PDGFRA: variants seen among roughly 807,000 people sequenced by gnomAD.
PDGFRA encodes the protein platelet derived growth factor receptor alpha.
A neutral mutation model predicts 121.5 loss-of-function variants in PDGFRA; 25 were observed. That is an observed-to-expected ratio of 0.21 (90% confidence interval 0.15 to 0.29). The LOEUF is 0.29. Ranked by LOEUF, PDGFRA falls within the 10% of genes least tolerant of loss-of-function variation. The pLI is 1.00. For missense variants in PDGFRA, 1,008 were observed against 1,345.1 expected (o/e 0.75, Z 3.92); for synonymous variants, 463 against 494.8 (o/e 0.94, Z 0.85).
chr4:54,265,135 G>T, intron 5 of PDGFRA, 86 bp downstream of exon 5: 2 of 1,267,416 alleles, frequency 1.6e-6, no homozygotes, highest in Non-Finnish European at 2.3e-6. Context: ...GTCACTGATG[G>T]GCACATCACT....
At chr4:54,268,078 A>G (rs749798531) in intron 7 of PDGFRA, among the ~76,000 whole-genome samples, 7 of 152,246 alleles carry the variant, frequency 4.6e-5, no homozygotes, top group Admixed American at 4.6e-4. Context: ...TTCATCATCC[A>G]TATCGCAAGT....
rs777051666 is a variant in PDGFRA, at chr4:54,273,545, A to G, written c.1373A>G (p.Asn458Ser). 1.2e-6 allele frequency: 2 copies of G among 1,614,002 alleles called. No individual in the cohort carries two copies. The highest frequency in any genetic ancestry group is 1.7e-6 in the Non-Finnish European group (2 of 1,179,908). ...MICKDIKKCNNETSWTILANN... is the reference protein window; with the variant it reads ...MICKDIKKCNSETSWTILANN... Reference sequence around the variant, plus strand: ...GCCCTTTTTCTCTCTAGATGTAATAATGAAACTTCCTGGACTATTTTGGCC... The same window carrying G: ...GCCCTTTTTCTCTCTAGATGTAATAGTGAAACTTCCTGGACTATTTTGGCC... Residue 458 changes from asparagine to serine, a missense_variant, in exon 10 of 23, where the codon AAT (asparagine) becomes AGT (serine). Physicochemically the swap from Asn to Ser is conservative, Grantham distance 46. Transcript: ENST00000257290.
Position 54,254,028 on chromosome 4 carries a change from G to A in PDGFRA, c.-12-4729G>A, listed in dbSNP as rs146549364. Among the ~76,000 whole-genome samples the A allele has an allele frequency of 1.1e-4, 16 of 152,190 alleles. No homozygotes were observed. In the East Asian group the frequency reaches 3.1e-3, roughly 29 times the overall value. ...TAGTGCCATGTTTCTCAGAATTTGT[G>A]GCTTCAATTACTTATATTTGTGCAC... On this transcript the variant is annotated intron_variant, in intron 1 of 22. Transcript: ENST00000257290.
rs376504407 is a variant in PDGFRA at position 54,278,348 on chromosome 4, T to A, written c.2003-14T>A. On this transcript the variant is annotated splice_polypyrimidine_tract_variant and intron_variant, in intron 14 of 22. Transcript: ENST00000257290. ...ATTTTCATACCCATCTCCTAACGGC[T>A]TTTGTCCCCATAGGCCCCATTTACA... is the stretch of plus-strand genomic sequence containing the variant. 6.2e-7 allele frequency: 1 copy of A among 1,611,488 alleles called. No homozygotes were observed. Among genetic ancestry groups the A allele is most frequent in the South Asian group, 1.1e-5 (1 of 91,018 alleles).
chr4:54,290,407 C>T lies in PDGFRA; in HGVS notation c.2975C>T (p.Thr992Ile), dbSNP rs1437358654. The part of the protein sequence containing the change: ...VDSDNAYIGV[T>I]YKNEEDKLKD... ...TCAGACAATGCATACATTGGTGTCA[C>T]CTACAAAAACGAGGAAGACAAGCTG... is the stretch of plus-strand genomic sequence containing the variant. The change falls in exon 22 of 23, where the codon ACC becomes ATC. Residue 992 changes from threonine (T) to isoleucine (I), a missense_variant. Thr to Ile is a moderately conservative substitution (Grantham distance 89, BLOSUM62 -1). Coordinates refer to ENST00000257290, the MANE Select transcript of PDGFRA (RefSeq NM_006206.6). The T allele has an allele frequency of 1.2e-6, 2 of 1,613,790 alleles. No homozygotes were observed. The highest frequency in any genetic ancestry group is 2.7e-5 in the African/African-American group (2 of 74,914).
At chr4:54,258,294 A>G (rs1471991256) in intron 1 of PDGFRA, among the ~76,000 whole-genome samples, 2 of 152,236 alleles carry the variant, frequency 1.3e-5, no homozygotes, top group African/African-American at 4.8e-5. Context: ...TAAATGACAC[A>G]CATTGTTGGA....
At chr4:54,291,281 A>C (rs1724620263) in intron 22 of PDGFRA, among the ~76,000 whole-genome samples, 1 of 152,140 alleles carries the variant, frequency 6.6e-6, no homozygotes, top group Non-Finnish European at 1.5e-5. Context: ...TCACCCATAA[A>C]TATTCCAGTG....
rs1467406467 is a variant in PDGFRA, at chr4:54,280,382, G to A, written c.2223G>A (p.Gln741=). The A allele has an allele frequency of 1.2e-6, 2 of 1,612,130 alleles. No individual in the cohort carries two copies. The highest frequency in any genetic ancestry group is 8.5e-7 in the Non-Finnish European group (1 of 1,178,156). The stretch of plus-strand genomic sequence containing the variant: ...ACATGAAGCAGGCTGATACTACACA[G>A]TATGTCCCCATGCTAGAAAGGAAAG... The part of the protein sequence containing the change: ...YMDMKQADTT[Q]YVPMLERKEV... The change falls in exon 16 of 23, where the codon CAG becomes CAA. Residue 741 remains glutamine, a synonymous_variant. Transcript: ENST00000257290.
intron 5 of PDGFRA, among the ~76,000 whole-genome samples, chr4:54,266,418 T>C (rs1265405482): frequency 6.6e-6 from 1 of 150,652 alleles, no homozygotes; most frequent in African/African-American, 2.4e-5. Flanking sequence ...TTTCTTTTTT[T>C]TTTTTGTTGT....
At chr4:54,249,758 G>T (rs778306061) in intron 1 of PDGFRA, among the ~76,000 whole-genome samples, 1 of 151,570 alleles carries the variant, frequency 6.6e-6, no homozygotes, top group East Asian at 1.9e-4. Context: ...CACATTGTGC[G>T]CATGTACCCT....
chr4:54,236,490 T>C (rs1223943462), intron 1 of PDGFRA, among the ~76,000 whole-genome samples: 2 of 152,200 alleles, frequency 1.3e-5, no homozygotes, highest in Non-Finnish European at 2.9e-5. Context: ...GTCTGAGTTA[T>C]AGATAAGTAA....
chr4:54,269,051 T>G (rs919866132), intron 7 of PDGFRA, among the ~76,000 whole-genome samples: 2 of 151,982 alleles, frequency 1.3e-5, no homozygotes, highest in African/African-American at 4.8e-5. Context: ...AACTCCAGGA[T>G]GGGGGATCTG....
intron 16 of PDGFRA, among the ~76,000 whole-genome samples, chr4:54,284,145 T>G (rs1724198216): frequency 6.6e-6 from 1 of 152,234 alleles, no homozygotes; most frequent in Non-Finnish European, 1.5e-5. Context: ...CAGTTCCCAA[T>G]AAGTTCTTCA....
Position 54,258,829 on chromosome 4 carries a change from AGTCCTCTCTGAGTTCCTTGTTTGGGT to A in PDGFRA, c.49+16_49+41del, listed in dbSNP as rs777359755. 3.1e-5 allele frequency: 50 copies of A among 1,611,562 alleles called. No individual in the cohort carries two copies. The highest frequency in any genetic ancestry group is 4.2e-5 in the Non-Finnish European group (49 of 1,177,746). On this transcript the variant is annotated intron_variant, in intron 2 of 22. Coordinates refer to ENST00000257290, the MANE Select transcript of PDGFRA (RefSeq NM_006206.6). ...CTGTCTTCTCACAGGTACGGAGCCC[AGTCCTCTCTGAGTTCCTTGTTTGGGT>A]GTCTTGTTTTTTTAAGCTTTGTGCT...
chr4:54,268,236 G>A (rs1368141733), intron 7 of PDGFRA, among the ~76,000 whole-genome samples: 1 of 152,214 alleles, frequency 6.6e-6, no homozygotes, highest in East Asian at 1.9e-4. Context: ...GGAGAGAGAT[G>A]TGCAGTGAGT....
intron 1 of PDGFRA, among the ~76,000 whole-genome samples, chr4:54,245,753 A>G (rs940597128): frequency 7.9e-5 from 12 of 152,356 alleles, no homozygotes; most frequent in African/African-American, 2.6e-4. Flanking sequence ...GCTTCAATCA[A>G]AAGACACAGA....
intron 1 of PDGFRA, 145 bp downstream of exon 1, chr4:54,229,560 A>T: frequency 3.1e-6 from 1 of 325,106 alleles, no homozygotes; most frequent in Non-Finnish European, 5.5e-6. Flanking sequence ...CCAGAGAGTA[A>T]TTTTTTTTTT....
At position 54,261,325 on chromosome 4, in the gene PDGFRA, C is replaced by T. The variant is rs1418656533; in HGVS notation, c.280C>T (p.His94Tyr). 1 of 1,614,062 alleles carries T rather than the reference C, an allele frequency of 6.2e-7. No individual in the cohort carries two copies. The highest frequency in any genetic ancestry group is 1.3e-5 in the African/African-American group (1 of 75,018). Residue 94 changes from histidine to tyrosine, a missense_variant, in exon 3 of 23, where the codon CAC (histidine) becomes TAC (tyrosine). His to Tyr is a moderately conservative substitution (Grantham distance 83). This residue lies in a region of PDGFRA where 575 missense variants were observed against 701.8 expected (regional missense o/e 0.82). Transcript: ENST00000257290. ...GGAAGTGAGCAGTGCCTCGGCGGCC[C>T]ACACAGGGTTGTACACTTGCTATTA... ...VLEVSSASAA[H>Y]TGLYTCYYNH...
chr4:54,289,797 G>A (rs538761196), intron 21 of PDGFRA, among the ~76,000 whole-genome samples: 1 of 152,312 alleles, frequency 6.6e-6, no homozygotes, highest in South Asian at 2.1e-4. Flanking sequence ...ACTTTCACAG[G>A]TGAGGCAGTG....
Sources: allele counts gnomAD v4.1 joint callset (sites outside exome capture counted in the v4.1 genomes callset), GRCh38; gene constraint gnomAD v4.1.1; regional missense constraint gnomAD v4.1.1; transcripts MANE v1.5; gene names NCBI Gene and HGNC (gene_info 2026-07-23, HGNC 2026-07-21).